Variants in SLC22A14 observed in about 807,000 individuals in gnomAD.
The protein encoded by SLC22A14 is solute carrier family 22 member 14.
Under a neutral mutation model 53.9 loss-of-function variants are expected in SLC22A14, and 50 were observed. That is an observed-to-expected ratio of 0.93 (90% CI 0.74 to 1.17). The LOEUF (loss-of-function observed/expected upper bound fraction) is 1.17, where lower values mean the gene tolerates loss of function less well. Ranked by LOEUF, SLC22A14 falls within the 50% of genes most tolerant of loss-of-function variation. The probability of loss-of-function intolerance (pLI) is 0.00; values close to 1 mark genes in which losing one functional copy is unlikely to be tolerated. For missense variants in SLC22A14, 671 were observed against 734.7 expected, an observed-to-expected ratio of 0.91 and a Z score of 1.00; for synonymous variants, 312 against 303.0, an observed-to-expected ratio of 1.03 and a Z score of -0.31.
chr3:38,315,924 C>A (rs969243852), intron 9 of SLC22A14, among the ~76,000 whole-genome samples: 1 of 152,200 alleles, frequency 6.6e-6, no homozygotes, highest in Non-Finnish European at 1.5e-5. Flanking sequence ...TAAAGGCACT[C>A]GATTAAGGGC....
At chr3:38,292,465 C>G (rs1703934966) in intron 1 of SLC22A14, among the ~76,000 whole-genome samples, 1 of 152,084 alleles carries the variant, frequency 6.6e-6, no homozygotes, top group Admixed American at 6.5e-5. Context: ...CATTGATAAT[C>G]CTGAGATCCT....
rs556780216 is a variant in SLC22A14, at chr3:38,307,422, G to T, written c.620+65G>T. On this transcript the variant is annotated intron_variant, in intron 3 of 10. Coordinates refer to ENST00000448498, the MANE Select transcript of SLC22A14 (RefSeq NM_001320033.2). This position sits in a 1 kb window ranked among gnomAD's most constrained non-coding sequence, Gnocchi z 4.4. Reference sequence around the variant, plus strand: ...CAACTCCTCCTCATGGGCATTCAGGGTTGGAGTGTGTCAGGCTGAGGGAGG... The same window carrying T: ...CAACTCCTCCTCATGGGCATTCAGGTTTGGAGTGTGTCAGGCTGAGGGAGG... 3.1e-5 allele frequency: 47 copies of T among 1,526,926 alleles called. No homozygotes were observed. The Admixed American group carries it at 7.5e-4, about 24-fold the overall frequency. The allele number at this position is 1,526,926 out of a possible 1,614,324, so 94.6% of individuals were successfully genotyped here.
intron 1 of SLC22A14, among the ~76,000 whole-genome samples, chr3:38,299,855 C>T (rs1704121803): frequency 6.6e-6 from 1 of 152,190 alleles, no homozygotes; most frequent in South Asian, 2.1e-4. Context: ...AGGCACTGCA[C>T]CAGTTCTAGT....
intron 1 of SLC22A14, among the ~76,000 whole-genome samples, chr3:38,290,013 T>A (rs1703877492): frequency 6.6e-6 from 1 of 152,186 alleles, no homozygotes; most frequent in African/African-American, 2.4e-5. Flanking sequence ...TTTCTTTACC[T>A]CCTGTTTTTG....
At chr3:38,289,867 T>A (rs1438357813) in intron 1 of SLC22A14, among the ~76,000 whole-genome samples, 1 of 152,070 alleles carries the variant, frequency 6.6e-6, no homozygotes, top group Non-Finnish European at 1.5e-5. Context: ...ATTGCAAGAT[T>A]TTATACAGTG....
chr3:38,281,798 T>C (rs2298421), upstream of SLC22A14, among the ~76,000 whole-genome samples: 61,852 of 152,058 alleles, frequency 0.41, 12,810 homozygotes, highest in Middle Eastern at 0.53. Flanking sequence ...TGCCTTGTAC[T>C]AGGCCCTGTG....
Position 38,291,582 on chromosome 3 carries a change from G to A in SLC22A14, c.-1+9243G>A, listed in dbSNP as rs185080690. Among the ~76,000 whole-genome samples, 6 of 152,322 alleles carry A rather than the reference G, an allele frequency of 3.9e-5. No homozygotes were observed. The East Asian group carries it at 7.7e-4, about 20-fold the overall frequency. ...AGGACTGCTACTGCCGCCACTACCCGTAAACAGTGAGGCCAACCTTTTGCC... is the reference window on the plus strand; with the variant it reads ...AGGACTGCTACTGCCGCCACTACCCATAAACAGTGAGGCCAACCTTTTGCC... On this transcript the variant is annotated intron_variant, in intron 1 of 10. Transcript: ENST00000448498.
upstream of SLC22A14, among the ~76,000 whole-genome samples, chr3:38,279,234 A>G (rs910535936): frequency 6.6e-6 from 1 of 152,192 alleles, no homozygotes; most frequent in African/African-American, 2.4e-5. Context: ...GTGCCCATTC[A>G]TGGCATCCTC....
At chr3:38,283,828 TCA>T (rs1264538491) in intron 1 of SLC22A14, among the ~76,000 whole-genome samples, 1 of 152,022 alleles carries the variant, frequency 6.6e-6, no homozygotes, top group African/African-American at 2.4e-5. Context: ...AGATTCTGTC[TCA>T]CAAACAAACA....
At chr3:38,313,677 C>CGG in intron 7 of SLC22A14, 50 bp from the exon 8 acceptor site, 2 of 762,530 alleles carry the variant, frequency 2.6e-6, no homozygotes, top group Non-Finnish European at 4.2e-6. Context: ...TTCCTGGCTC[C>CGG]GTGTGTGTGC....
rs906335226 is a variant in SLC22A14 at position 38,307,777 on chromosome 3, G to A, written c.775+57G>A. 1.3e-6 allele frequency: 2 copies of A among 1,593,288 alleles called. No homozygotes were observed. Among genetic ancestry groups the A allele is most frequent in the African/African-American group, 1.3e-5 (1 of 74,688 alleles). On this transcript the variant is annotated intron_variant, in intron 4 of 10. Coordinates refer to ENST00000448498, the MANE Select transcript of SLC22A14 (RefSeq NM_001320033.2). The surrounding 1 kb of genome is among the most constrained non-coding windows in gnomAD (Gnocchi z 4.4). Reference sequence around the variant, plus strand: ...GTGGCACAGGGGCATGGCGGCATAGGCGGGTGACAAGGGGACATAGTGGCA... The same window carrying A: ...GTGGCACAGGGGCATGGCGGCATAGACGGGTGACAAGGGGACATAGTGGCA...
upstream of SLC22A14, among the ~76,000 whole-genome samples, chr3:38,279,627 G>A (rs570310360): frequency 6.7e-6 from 1 of 149,348 alleles, no homozygotes; most frequent in East Asian, 1.9e-4. Flanking sequence ...GGTTGGTTGG[G>A]GAGAAAGATT....
intron 1 of SLC22A14, among the ~76,000 whole-genome samples, chr3:38,283,264 C>T (rs974010392): frequency 2.0e-5 from 3 of 152,142 alleles, no homozygotes. Flanking sequence ...TTAACTTCAT[C>T]TGTAACTTTA....
In SLC22A14 at chr3:38,304,295, C is replaced by T. The variant is rs531558757; in HGVS notation, c.1-1732C>T. Reference sequence around the variant, plus strand: ...TTATTTTACCCTAGTTCTTGACAGACAATTTTGCTGGGTATACAATTCTAT... The same window carrying T: ...TTATTTTACCCTAGTTCTTGACAGATAATTTTGCTGGGTATACAATTCTAT... On this transcript the variant is annotated intron_variant, in intron 1 of 10. Transcript: ENST00000448498. Among the ~76,000 whole-genome samples the T allele has an allele frequency of 2.6e-5, 4 of 152,196 alleles. No homozygotes were observed. In the South Asian group the frequency reaches 8.3e-4, roughly 32 times the overall value.
intron 8 of SLC22A14, 62 bp downstream of exon 8, chr3:38,314,003 C>A: frequency 1.4e-6 from 2 of 1,463,906 alleles, no homozygotes; most frequent in Non-Finnish European, 1.9e-6. Context: ...AACCCCTCCC[C>A]AGTGCCGCCT....
At position 38,318,191 on chromosome 3, in the gene SLC22A14, C is replaced by G; in HGVS notation, c.1734-7C>G. 1 of 1,613,758 alleles carries G rather than the reference C, an allele frequency of 6.2e-7. No individual in the cohort carries two copies. On this transcript the variant is annotated splice_region_variant and splice_polypyrimidine_tract_variant and intron_variant, in intron 10 of 10. Transcript: ENST00000448498. ...GCCCTGGACTCATCCTCTGATGGCTCTTTCAGGAATAAGGTCAAGGACATG... is the reference window on the plus strand; with the variant it reads ...GCCCTGGACTCATCCTCTGATGGCTGTTTCAGGAATAAGGTCAAGGACATG...
At chr3:38,313,315 T>G in intron 6 of SLC22A14, 73 bp from the exon 7 acceptor site, 1 of 1,374,690 alleles carries the variant, frequency 7.3e-7, no homozygotes, top group Non-Finnish European at 1.0e-6. Context: ...AGGCAGGCCT[T>G]GTGGGTGCTG....
At chr3:38,309,182 G>A (rs1006984067) in intron 5 of SLC22A14, 60 bp downstream of exon 5, 55 of 1,417,362 alleles carry the variant, frequency 3.9e-5, no homozygotes, top group Middle Eastern at 1.8e-4. Flanking sequence ...ATGTCGATGA[G>A]TATGGAGGGT....
chr3:38,305,679 C>A, intron 1 of SLC22A14: 1 of 238,400 alleles, frequency 4.2e-6, no homozygotes, highest in Non-Finnish European at 8.1e-6. Context: ...ACCTCTCCTA[C>A]CTTTTGCAAG....
Sources: gnomAD v4.1 joint callset for allele counts (sites outside exome capture counted in the v4.1 genomes callset) on GRCh38, gnomAD v4.1.1 for gene constraint, Gnocchi (gnomAD v3.1) non-coding constraint, MANE v1.5 for transcripts, NCBI Gene and HGNC (gene_info 2026-07-23, HGNC 2026-07-21) for gene names.